The following DNER variants were observed in gnomAD, a reference collection of about 807,000 sequenced individuals.
DNER encodes delta/notch like EGF repeat containing, also known as delta and Notch-like epidermal growth factor-related receptor.
Under a neutral mutation model 78.2 loss-of-function variants are expected in DNER, and 33 were observed. The ratio of observed to expected loss-of-function variants is 0.42; its 90% confidence interval spans 0.32 to 0.56. The LOEUF is 0.56. Among genes scored for constraint, DNER ranks in the 20% least tolerant of loss-of-function variants. The pLI, the probability that DNER is intolerant of heterozygous loss-of-function variation, is 0.11. For missense variants in DNER, 918 were observed against 975.3 expected (o/e 0.94, Z 0.78); for synonymous variants, 417 against 384.8 (o/e 1.08, Z -0.98).
rs137886726 is a variant in DNER, at chr2:229,570,243, T to C, written c.847+15615A>G. Among the ~76,000 whole-genome samples, 118 of 152,352 alleles carry C rather than the reference T, an allele frequency of 7.7e-4. 1 individual carries two copies. Among genetic ancestry groups the C allele is most frequent in the African/African-American group, 2.6e-3 (110 of 41,590 alleles). On this transcript the variant is annotated intron_variant, in intron 4 of 12. Transcript: ENST00000341772. ...GAACCAGGTACTGAAATAAGTCATT[T>C]TGATGCAACAGTAAGCAAAACACAC... is the stretch of plus-strand genomic sequence containing the variant.
intron 1 of DNER, among the ~76,000 whole-genome samples, chr2:229,675,372 T>G (rs930630433): frequency 2.0e-5 from 3 of 152,218 alleles, no homozygotes; most frequent in African/African-American, 7.2e-5. Flanking sequence ...ACCTACCAAC[T>G]GCCAGGCACT....
At chr2:229,453,001 T>C (rs146289466) in intron 7 of DNER, among the ~76,000 whole-genome samples, 140 of 152,344 alleles carry the variant, frequency 9.2e-4, no homozygotes, top group African/African-American at 3.4e-3. Flanking sequence ...CCTGTATATG[T>C]GTCTTCTCTG....
intron 4 of DNER, among the ~76,000 whole-genome samples, chr2:229,567,056 TA>T (rs1697123519): frequency 6.6e-6 from 1 of 152,216 alleles, no homozygotes; most frequent in Non-Finnish European, 1.5e-5. Flanking sequence ...GCAGTTCCTC[TA>T]ATATTATGCA....
chr2:229,507,322 A>G (rs185611830), intron 6 of DNER, among the ~76,000 whole-genome samples: 4 of 151,760 alleles, frequency 2.6e-5, no homozygotes, highest in Non-Finnish European at 4.4e-5. Flanking sequence ...ACTGTTGTAC[A>G]TGTACATGTA....
chr2:229,671,817 G>A (rs1699214791), intron 1 of DNER, among the ~76,000 whole-genome samples: 1 of 152,138 alleles, frequency 6.6e-6, no homozygotes, highest in South Asian at 2.1e-4. Flanking sequence ...TTATTCGTGG[G>A]GGCAGTAAAC....
chr2:229,684,648 G>A (rs1389018153), intron 1 of DNER, among the ~76,000 whole-genome samples: 2 of 152,042 alleles, frequency 1.3e-5, no homozygotes, highest in African/African-American at 4.8e-5. Flanking sequence ...TGAATTTACC[G>A]CTCATCCAGT....
At chr2:229,417,908 G>A (rs6760224) in intron 9 of DNER, among the ~76,000 whole-genome samples, 200 bp downstream of exon 9, 121,330 of 152,178 alleles carry the variant, frequency 0.8, 49,174 homozygotes, top group African/African-American at 0.86. Context: ...GACAGGAAAG[G>A]GGGTTGTTTC....
intron 4 of DNER, among the ~76,000 whole-genome samples, chr2:229,569,763 A>G (rs1280689310): frequency 6.6e-6 from 1 of 151,338 alleles, no homozygotes; most frequent in Admixed American, 6.6e-5. Context: ...TTTTTGATCC[A>G]TGGTTGGTTG....
At position 229,445,169 on chromosome 2, in the gene DNER, A is replaced by T. The variant is rs530127405; in HGVS notation, c.1486+2147T>A. Among the ~76,000 whole-genome samples the T allele has an allele frequency of 1.2e-4, 19 of 152,312 alleles. 1 individual carries two copies. The highest frequency in any genetic ancestry group is 1.2e-3 in the Admixed American group (18 of 15,306). On this transcript the variant is annotated intron_variant, in intron 8 of 12. Transcript: ENST00000341772. ...CACAATTGCAGCTTGTTTAGTTTGC[A>T]AACACAAGTTGTCTCAGTGATCCAC... is the stretch of plus-strand genomic sequence containing the variant.
chr2:229,441,598 A>G (rs1251074014), intron 8 of DNER, among the ~76,000 whole-genome samples: 1 of 152,208 alleles, frequency 6.6e-6, no homozygotes, highest in Non-Finnish European at 1.5e-5. Flanking sequence ...AGCAAGACCA[A>G]TGCTGTATTT....
At chr2:229,404,905 G>T (rs1574828345) in intron 10 of DNER, among the ~76,000 whole-genome samples, 2 of 144,436 alleles carry the variant, frequency 1.4e-5, no homozygotes, top group South Asian at 4.8e-4. Context: ...AACACGAAAA[G>T]AAATCAAGAC....
At chr2:229,464,515 T>A (rs1446704980) in intron 7 of DNER, among the ~76,000 whole-genome samples, 1 of 152,158 alleles carries the variant, frequency 6.6e-6, no homozygotes, top group African/African-American at 2.4e-5. Context: ...GATATAGTTA[T>A]GTGAACAAAA....
At chr2:229,372,468 G>A (rs1692506591) in intron 11 of DNER, among the ~76,000 whole-genome samples, 1 of 152,194 alleles carries the variant, frequency 6.6e-6, no homozygotes, top group Admixed American at 6.5e-5. Flanking sequence ...TGGGAGGGGG[G>A]TGAGGGAGAA....
intron 8 of DNER, among the ~76,000 whole-genome samples, chr2:229,430,760 G>A (rs1693986656): frequency 6.6e-6 from 1 of 151,084 alleles, no homozygotes; most frequent in Non-Finnish European, 1.5e-5. Context: ...TGTTTTATGG[G>A]TATTTTATTT....
intron 1 of DNER, among the ~76,000 whole-genome samples, chr2:229,628,490 G>C (rs1698382067): frequency 6.6e-6 from 1 of 152,150 alleles, no homozygotes; most frequent in Non-Finnish European, 1.5e-5. Flanking sequence ...GTTGCAGAGA[G>C]GCCATTTTCA....
At chr2:229,628,858 C>T (rs551996836) in intron 1 of DNER, among the ~76,000 whole-genome samples, 1 of 152,344 alleles carries the variant, frequency 6.6e-6, no homozygotes, top group South Asian at 2.1e-4. Context: ...GGTCTAGCCT[C>T]TTCTTTGTCT....
intron 5 of DNER, among the ~76,000 whole-genome samples, chr2:229,526,199 C>A (rs1696204917): frequency 6.6e-6 from 1 of 152,166 alleles, no homozygotes; most frequent in Admixed American, 6.5e-5. Flanking sequence ...ATAATATTCA[C>A]ATGAAGCGAT....
At chr2:229,643,694 T>C (rs888299811) in intron 1 of DNER, among the ~76,000 whole-genome samples, 1 of 152,196 alleles carries the variant, frequency 6.6e-6, no homozygotes, top group African/African-American at 2.4e-5. Context: ...CCGTGGAAAG[T>C]GCCTAACAGC....
chr2:229,696,656 G>A (rs1020226040), intron 1 of DNER, among the ~76,000 whole-genome samples: 1 of 152,172 alleles, frequency 6.6e-6, no homozygotes, highest in Non-Finnish European at 1.5e-5. Flanking sequence ...CCTAGGCTGA[G>A]CCAGAGAACA....
Sources: allele counts gnomAD v4.1 joint callset (sites outside exome capture counted in the v4.1 genomes callset), GRCh38; gene constraint gnomAD v4.1.1; transcripts MANE v1.5; gene names NCBI Gene and HGNC (gene_info 2026-07-23, HGNC 2026-07-21).